The following DST variants were observed in gnomAD, a reference collection of about 807,000 sequenced individuals.
DST encodes bullous pemphigoid antigen.
In DST, 253 loss-of-function variants were observed where a neutral mutation model predicts 875.2. That is an observed-to-expected ratio of 0.29 (90% CI 0.26 to 0.32). The LOEUF (loss-of-function observed/expected upper bound fraction) is 0.32, where lower values mean the gene tolerates loss of function less well. Ranked by LOEUF, DST falls within the 10% of genes least tolerant of loss-of-function variation. DST has a pLI of 1.00. For synonymous variants in DST, 3,124 were observed against 3,197.1 expected, an observed-to-expected ratio of 0.98 and a Z score of 0.77; for missense variants, 8,287 against 9,111.6, an observed-to-expected ratio of 0.91 and a Z score of 3.68.
intron 3 of DST, among the ~76,000 whole-genome samples, chr6:56,896,713 G>A (rs1269476715): frequency 6.6e-6 from 1 of 152,214 alleles, no homozygotes; most frequent in Non-Finnish European, 1.5e-5. Context: ...GATCATTAGT[G>A]AAGTTGAGCA....
intron 38 of DST, 39 bp from the exon 39 acceptor site, chr6:56,610,601 G>A (rs766703756): frequency 1.6e-5 from 25 of 1,520,052 alleles, no homozygotes; most frequent in South Asian, 1.2e-4. Context: ...AATGCAAGTC[G>A]TCCTCAAGAG....
intron 3 of DST, among the ~76,000 whole-genome samples, chr6:56,859,284 A>T (rs1769725272): frequency 6.6e-6 from 1 of 152,172 alleles, no homozygotes; most frequent in African/African-American, 2.4e-5. Flanking sequence ...ATGTGCTCCC[A>T]CACCTCCATA....
At chr6:56,524,735 T>C (rs1457788943) in intron 69 of DST, among the ~76,000 whole-genome samples, 1 of 152,126 alleles carries the variant, frequency 6.6e-6, no homozygotes, top group East Asian at 1.9e-4. Flanking sequence ...AATCTGTTGG[T>C]AGTAAGACTT....
At chr6:56,774,177 G>T (rs2099673272) in intron 4 of DST, among the ~76,000 whole-genome samples, 1 of 150,522 alleles carries the variant, frequency 6.6e-6, no homozygotes, top group Non-Finnish European at 1.5e-5. Context: ...ACATTTAAGA[G>T]TTATCCATGA....
intron 2 of DST, among the ~76,000 whole-genome samples, chr6:56,942,063 C>T (rs756177180): frequency 1.3e-4 from 20 of 152,234 alleles, no homozygotes; most frequent in South Asian, 1.0e-3. Context: ...TTCATCATTG[C>T]GGAACATCCC....
Position 56,489,499 on chromosome 6 carries a change from T to G in DST, c.20868A>C (p.Ala6956=). Residue 6956 remains alanine, a synonymous_variant, in exon 86 of 104, where the codon GCA becomes GCC. Transcript: ENST00000680361. ...TTAATTATGGACCCACCTTATGTTG[T>G]GCAAGTTGTGTTTTTATTTTGTCTG... The part of the protein sequence containing the change: ...NDPDKIKTQL[A]QHKEFQKSLG... 1.2e-6 allele frequency: 2 copies of G among 1,612,404 alleles called. No homozygotes were observed. Among genetic ancestry groups the G allele is most frequent in the Non-Finnish European group, 1.7e-6 (2 of 1,179,142 alleles).
intron 3 of DST, among the ~76,000 whole-genome samples, chr6:56,860,399 A>C (rs538590836): frequency 6.6e-6 from 1 of 152,332 alleles, no homozygotes; most frequent in East Asian, 1.9e-4. Flanking sequence ...AAAATATTTC[A>C]ATTAAATGGA....
At chr6:56,509,203 C>T (rs1395516191) in intron 74 of DST, among the ~76,000 whole-genome samples, 1 of 152,136 alleles carries the variant, frequency 6.6e-6, no homozygotes, top group Non-Finnish European at 1.5e-5. Flanking sequence ...TACGCACATG[C>T]TCTCCCTTTT....
intron 5 of DST, among the ~76,000 whole-genome samples, chr6:56,717,052 A>G (rs547471896): frequency 9.4e-4 from 143 of 152,164 alleles, no homozygotes; most frequent in Non-Finnish European, 1.7e-3. Context: ...GCGTGGTAGC[A>G]GGCGCCTGTA....
chr6:56,645,958 T>C lies in DST; in HGVS notation c.1686A>G (p.Gln562=), dbSNP rs780836265. 32 of 1,613,602 alleles carry C rather than the reference T, an allele frequency of 2.0e-5. No individual in the cohort carries two copies. Among genetic ancestry groups the C allele is most frequent in the Non-Finnish European group, 2.5e-5 (30 of 1,179,772 alleles). ...WIEFGRIKLL[Q]GYHPNDIEKE... ...TTTCTATGTCATTTGGATGATAACC[T>C]TGAAGGAGCTTGATGCGTCCAAATT... is the stretch of plus-strand genomic sequence containing the variant. Residue 562 remains glutamine, a synonymous_variant, in exon 15 of 104, where the codon CAA becomes CAG. Coordinates refer to ENST00000680361, the MANE Select transcript of DST (RefSeq NM_001374736.1).
chr6:56,861,446 A>G (rs900993006), intron 3 of DST, among the ~76,000 whole-genome samples: 3 of 152,184 alleles, frequency 2.0e-5, no homozygotes, highest in Non-Finnish European at 4.4e-5. Context: ...AAACCAATCC[A>G]ACCACAGCCT....
At chr6:56,838,875 ATCT>A (rs1237443258) in intron 4 of DST, among the ~76,000 whole-genome samples, 8 of 152,230 alleles carry the variant, frequency 5.3e-5, no homozygotes, top group Non-Finnish European at 1.2e-4. Flanking sequence ...GTGCTCTCAG[ATCT>A]TCTTCAAACT....
At chr6:56,565,635 C>A (rs951798423) in intron 55 of DST, among the ~76,000 whole-genome samples, 1 of 152,184 alleles carries the variant, frequency 6.6e-6, no homozygotes, top group Admixed American at 6.5e-5. Flanking sequence ...TGTCTGTCGA[C>A]CCCTGCTGGG....
intron 74 of DST, among the ~76,000 whole-genome samples, 196 bp downstream of exon 74, chr6:56,509,446 T>A (rs2096419592): frequency 6.6e-6 from 1 of 152,224 alleles, no homozygotes; most frequent in African/African-American, 2.4e-5. Context: ...GCACGCTTTG[T>A]ATTCAACCAA....
At chr6:56,730,184 T>C (rs1414276157) in intron 5 of DST, among the ~76,000 whole-genome samples, 2 of 152,150 alleles carry the variant, frequency 1.3e-5, no homozygotes. Flanking sequence ...CCACATTATA[T>C]AGACTTCTCT....
At chr6:56,836,583 G>T (rs2099793758) in intron 4 of DST, among the ~76,000 whole-genome samples, 1 of 152,076 alleles carries the variant, frequency 6.6e-6, no homozygotes, top group South Asian at 2.1e-4. Context: ...GGGCGCGGTG[G>T]CTCACGCTTG....
chr6:56,551,208 C>T (rs1424040735), intron 61 of DST, among the ~76,000 whole-genome samples: 1 of 152,160 alleles, frequency 6.6e-6, no homozygotes, highest in African/African-American at 2.4e-5. Flanking sequence ...TCAACTATAA[C>T]TGCACAGAAT....
intron 29 of DST, 124 bp from the exon 30 acceptor site, chr6:56,631,513 T>C (rs1215238411): frequency 1.3e-6 from 1 of 798,602 alleles, no homozygotes; most frequent in Non-Finnish European, 2.0e-6. Flanking sequence ...ACATATTCTT[T>C]GTTTGTTATC....
chr6:56,566,966 A>G (rs2097690554), intron 55 of DST, among the ~76,000 whole-genome samples: 1 of 152,212 alleles, frequency 6.6e-6, no homozygotes, highest in Admixed American at 6.5e-5. Context: ...CTTGCTGTAT[A>G]ACTTACCTAA....
Sources: allele counts gnomAD v4.1 joint callset (sites outside exome capture counted in the v4.1 genomes callset), GRCh38; gene constraint gnomAD v4.1.1; transcripts MANE v1.5; gene names NCBI Gene and HGNC (gene_info 2026-07-23, HGNC 2026-07-21).